The following RCL1 variants were observed in gnomAD, a reference collection of about 807,000 sequenced individuals.
RCL1 encodes RNA 3'-terminal phosphate cyclase-like protein.
A neutral mutation model predicts 42.4 loss-of-function variants in RCL1; 24 were observed. The observed-to-expected ratio is 0.57, with a 90% CI of 0.41 to 0.80. The LOEUF is 0.80. RCL1 is among the 30% of genes least tolerant of loss of function. The pLI is 0.00. For synonymous variants in RCL1, 228 were observed against 177.3 expected (o/e 1.29, Z -2.27); for missense variants, 578 against 467.9 (o/e 1.24, Z -2.17).
intron 2 of RCL1, among the ~76,000 whole-genome samples, chr9:4,826,073 GAAAA>G (rs371653606): frequency 5.0e-4 from 73 of 147,116 alleles, no homozygotes; most frequent in Middle Eastern, 6.8e-3. Context: ...CTAAAATAAA[GAAAA>G]AAAAGAAAGA....
intron 3 of RCL1, among the ~76,000 whole-genome samples, chr9:4,831,246 G>T (rs1816930560): frequency 6.6e-6 from 1 of 151,658 alleles, no homozygotes; most frequent in South Asian, 2.1e-4. Context: ...AAGTAAATTT[G>T]GCTTCACTCT....
intron 3 of RCL1, among the ~76,000 whole-genome samples, chr9:4,828,535 T>C (rs1816842706): frequency 7.5e-6 from 1 of 134,198 alleles, no homozygotes; most frequent in Non-Finnish European, 1.6e-5. Context: ...GTTGAGAATA[T>C]TTAATTAAGT....
At chr9:4,832,275 C>G (rs780379957) in intron 3 of RCL1, among the ~76,000 whole-genome samples, 2 of 152,138 alleles carry the variant, frequency 1.3e-5, no homozygotes, top group Non-Finnish European at 2.9e-5. Flanking sequence ...TGAGTTTGTG[C>G]TGCTTCCTGT....
At chr9:4,798,431 T>A (rs1049072180) in intron 1 of RCL1, among the ~76,000 whole-genome samples, 2 of 152,202 alleles carry the variant, frequency 1.3e-5, no homozygotes, top group Non-Finnish European at 2.9e-5. Flanking sequence ...TAACTAAGCC[T>A]TAGTGTCTTC....
chr9:4,826,815 G>A (rs1488041663), intron 2 of RCL1, 43 bp from the exon 3 acceptor site: 2 of 1,543,922 alleles, frequency 1.3e-6, no homozygotes, highest in Non-Finnish European at 1.8e-6. Flanking sequence ...TGACATTTTA[G>A]TTTTTTTCCT....
intron 1 of RCL1, among the ~76,000 whole-genome samples, chr9:4,794,988 A>G (rs1323978589): frequency 6.6e-6 from 1 of 152,214 alleles, no homozygotes; most frequent in Non-Finnish European, 1.5e-5. Flanking sequence ...CCCCGTTCAT[A>G]TACCAGGGGA....
chr9:4,844,568 G>A lies in RCL1; in HGVS notation c.754G>A (p.Gly252Ser), dbSNP rs765978714. ...GTCACTGGTTGCTGAGACCACCAGT[G>A]GCACCTTCCTCAGTGCTGAACTGGC... ...GLSLVAETTSGTFLSAELASN... is the reference protein window; with the variant it reads ...GLSLVAETTSSTFLSAELASN... The change falls in exon 7 of 9, where the codon GGC becomes AGC. Residue 252 changes from glycine to serine, a missense_variant. Transcript: ENST00000381750. The A allele has an allele frequency of 6.2e-7, 1 of 1,613,738 alleles. No homozygotes were observed. Among genetic ancestry groups the A allele is most frequent in the Non-Finnish European group, 8.5e-7 (1 of 1,179,842 alleles).
At chr9:4,798,187 A>C (rs1056571230) in intron 1 of RCL1, among the ~76,000 whole-genome samples, 4 of 152,194 alleles carry the variant, frequency 2.6e-5, no homozygotes, top group Admixed American at 2.0e-4. Flanking sequence ...GGTGTTCCTC[A>C]TCAGTATTAT....
intron 6 of RCL1, among the ~76,000 whole-genome samples, chr9:4,843,439 T>G (rs1387724123): frequency 6.6e-6 from 1 of 152,112 alleles, no homozygotes; most frequent in Non-Finnish European, 1.5e-5. Flanking sequence ...CTTTGCAAAC[T>G]ATACCAGTGC....
intron 1 of RCL1, among the ~76,000 whole-genome samples, chr9:4,816,933 C>T (rs927826025): frequency 6.6e-6 from 1 of 152,202 alleles, no homozygotes; most frequent in African/African-American, 2.4e-5. Context: ...TCTCCTGCCT[C>T]AGCCTCCCAG....
intron 1 of RCL1, among the ~76,000 whole-genome samples, chr9:4,809,400 C>G (rs1296360368): frequency 1.3e-5 from 2 of 152,032 alleles, no homozygotes; most frequent in African/African-American, 2.4e-5. Flanking sequence ...ACCTCCGCCT[C>G]CTGGATTCAA....
intron 5 of RCL1, among the ~76,000 whole-genome samples, chr9:4,839,004 A>G (rs12353424): frequency 0.029 from 4,410 of 152,278 alleles, 200 homozygotes; most frequent in African/African-American, 0.098. Flanking sequence ...TCCTTCTTTT[A>G]CTGATTAGGA....
intron 3 of RCL1, among the ~76,000 whole-genome samples, chr9:4,828,518 G>A (rs911640527): frequency 8.0e-5 from 12 of 149,300 alleles, no homozygotes; most frequent in Admixed American, 2.7e-4. Context: ...GGAATGTTGC[G>A]TAAACTGTTG....
intron 1 of RCL1, among the ~76,000 whole-genome samples, chr9:4,812,268 C>T (rs1481193918): frequency 2.6e-5 from 4 of 151,988 alleles, no homozygotes; most frequent in East Asian, 1.9e-4. Flanking sequence ...CCAGAGTAAA[C>T]GTCCTGTAAT....
At chr9:4,852,769 C>CT (rs34189601) in intron 8 of RCL1, among the ~76,000 whole-genome samples, 94,574 of 143,528 alleles carry the variant, frequency 0.66, 31,134 homozygotes, top group Admixed American at 0.69. Context: ...GGTCAGGTCA[C>CT]TTTTTTTTTT....
At chr9:4,795,263 T>A (rs1264131105) in intron 1 of RCL1, among the ~76,000 whole-genome samples, 2 of 151,960 alleles carry the variant, frequency 1.3e-5, no homozygotes, top group African/African-American at 4.8e-5. Context: ...AGAGTATTTT[T>A]AGTAGAGATG....
intron 1 of RCL1, among the ~76,000 whole-genome samples, chr9:4,794,446 T>C (rs1842882138): frequency 6.6e-6 from 1 of 152,204 alleles, no homozygotes; most frequent in South Asian, 2.1e-4. Flanking sequence ...AGACCACAAA[T>C]GGTTTATGCC....
chr9:4,861,003 A>T lies in RCL1; in HGVS notation c.*728A>T, dbSNP rs532105155. ...AAGTGCTATCTCCATGAGAAAATTCATAAAGGGTGTTTTGTTCCTTTGAAA... is the reference window on the plus strand; with the variant it reads ...AAGTGCTATCTCCATGAGAAAATTCTTAAAGGGTGTTTTGTTCCTTTGAAA... On this transcript the variant is annotated 3_prime_UTR_variant, in exon 9 of 9. Coordinates refer to ENST00000381750, the MANE Select transcript of RCL1 (RefSeq NM_005772.5). 1 of 152,338 alleles carries T rather than the reference A, an allele frequency of 6.6e-6. No homozygotes were observed. The highest frequency in any genetic ancestry group is 2.4e-5 in the African/African-American group (1 of 41,564). The allele number at this position is 152,338 out of a possible 1,614,324, so 9.4% of individuals were successfully genotyped here.
rs992856469 is a variant in RCL1 at position 4,826,193 on chromosome 9, C to G, written c.209-665C>G. Among the ~76,000 whole-genome samples the G allele has an allele frequency of 8.5e-5, 13 of 152,100 alleles. No homozygotes were observed. In the East Asian group the frequency reaches 2.5e-3, roughly 29 times the overall value. On this transcript the variant is annotated intron_variant, in intron 2 of 8. Transcript: ENST00000381750. ...GCTCTGGAGGTTGAGCTGCAGCAAGCTGTGATCATGCCGCTGTACTCCAGC... is the reference window on the plus strand; with the variant it reads ...GCTCTGGAGGTTGAGCTGCAGCAAGGTGTGATCATGCCGCTGTACTCCAGC...
Sources: gnomAD v4.1 joint callset for allele counts (sites outside exome capture counted in the v4.1 genomes callset) on GRCh38, gnomAD v4.1.1 for gene constraint, MANE v1.5 for transcripts, NCBI Gene and HGNC (gene_info 2026-07-23, HGNC 2026-07-21) for gene names.